CCDC178: variants seen among roughly 807,000 people sequenced by gnomAD.
CCDC178 encodes the protein coiled-coil domain containing 178.
CCDC178 carries 126 observed loss-of-function variants against 117.4 expected under a neutral mutation model. The observed-to-expected ratio is 1.07, with a 90% confidence interval of 0.93 to 1.24. CCDC178 has a LOEUF of 1.24. Among genes scored for constraint, CCDC178 ranks in the 50% most tolerant of loss-of-function variants. CCDC178 has a pLI of 0.00. For missense variants in CCDC178, 1,030 were observed against 986.9 expected (o/e 1.04, Z -0.59); for synonymous variants, 283 against 313.4 (o/e 0.90, Z 1.02).
In CCDC178 at chr18:33,418,578, C is replaced by A. The variant is rs1330609999; in HGVS notation, c.-22-6468G>T. ...GTTTGCAGACAATACATTTCTATAT[C>A]TAAAAAAAAAAACCGATAGTCTCTG... is the stretch of plus-strand genomic sequence containing the variant. On this transcript the variant is annotated intron_variant, in intron 2 of 22. Coordinates refer to ENST00000383096, the MANE Select transcript of CCDC178 (RefSeq NM_001105528.4). Among the ~76,000 whole-genome samples, 5 of 146,608 alleles carry A rather than the reference C, an allele frequency of 3.4e-5. No homozygotes were observed. The East Asian group carries it at 1.0e-3, about 30-fold the overall frequency.
chr18:33,154,109 T>C (rs2058366991), intron 20 of CCDC178, among the ~76,000 whole-genome samples: 1 of 152,162 alleles, frequency 6.6e-6, no homozygotes, highest in Non-Finnish European at 1.5e-5. Flanking sequence ...AGTAGCTTCT[T>C]GTAGATTGAA....
chr18:33,296,647 A>T (rs1297295429), intron 11 of CCDC178, among the ~76,000 whole-genome samples: 1 of 152,214 alleles, frequency 6.6e-6, no homozygotes, highest in Admixed American at 6.5e-5. Flanking sequence ...TTGAGATAAG[A>T]CACATAAAAA....
At chr18:33,266,843 CA>C in intron 14 of CCDC178, 72 bp downstream of exon 14, 2 of 1,321,882 alleles carry the variant, frequency 1.5e-6, no homozygotes, top group African/African-American at 3.0e-5. Context: ...TCCAGGGACA[CA>C]AACTGGAGAG....
intron 14 of CCDC178, among the ~76,000 whole-genome samples, chr18:33,250,101 A>G (rs1420689940): frequency 6.6e-6 from 1 of 151,752 alleles, no homozygotes; most frequent in East Asian, 1.9e-4. Context: ...CATTTTAGCC[A>G]CTGGAAAGTG....
chr18:32,963,754 A>G (rs1568184681), intron 22 of CCDC178, among the ~76,000 whole-genome samples: 1 of 151,998 alleles, frequency 6.6e-6, no homozygotes, highest in Non-Finnish European at 1.5e-5. Context: ...GTATTTACAC[A>G]ATATATTGTG....
At chr18:33,358,522 T>A (rs1425468219) in intron 6 of CCDC178, among the ~76,000 whole-genome samples, 2 of 151,980 alleles carry the variant, frequency 1.3e-5, no homozygotes, top group East Asian at 3.9e-4. Context: ...GGATATGGTA[T>A]GGCTGATTTA....
At chr18:33,222,295 CCTTT>C (rs942708745) in intron 18 of CCDC178, among the ~76,000 whole-genome samples, 5 of 149,544 alleles carry the variant, frequency 3.3e-5, no homozygotes, top group Non-Finnish European at 7.4e-5. Flanking sequence ...TTCCTTCCTT[CCTTT>C]CCTTCCTTCC....
intron 15 of CCDC178, among the ~76,000 whole-genome samples, chr18:33,243,811 T>C (rs538656410): frequency 7.9e-5 from 12 of 151,916 alleles, no homozygotes; most frequent in East Asian, 3.9e-4. Context: ...ATTAGAAAAA[T>C]TGAAATACAC....
At chr18:33,314,470 T>C (rs112053873) in intron 11 of CCDC178, among the ~76,000 whole-genome samples, 13 of 152,234 alleles carry the variant, frequency 8.5e-5, no homozygotes, top group South Asian at 8.3e-4. Context: ...TATCATCCCA[T>C]GTCCTTGTTA....
chr18:33,403,440 A>G (rs1001508675), intron 3 of CCDC178, among the ~76,000 whole-genome samples: 3 of 151,974 alleles, frequency 2.0e-5, no homozygotes, highest in East Asian at 1.9e-4. Flanking sequence ...ACAGGTTCTC[A>G]CGTTCTATTA....
In CCDC178 at chr18:33,397,135, T is replaced by C. The variant is rs376934920; in HGVS notation, c.118+14A>G. The C allele has an allele frequency of 9.8e-6, 15 of 1,524,612 alleles. No individual in the cohort carries two copies. The highest frequency in any genetic ancestry group is 1.3e-5 in the Non-Finnish European group (14 of 1,106,660). 94.4% of individuals were successfully genotyped at this position (1,524,612 alleles called of 1,614,324 possible). On this transcript the variant is annotated intron_variant, in intron 4 of 22. Transcript: ENST00000383096. ...AAAAAGAGATGAAAATTATATATAATAGCTGTTGGATACCTTCATTTGTCC... is the reference window on the plus strand; with the variant it reads ...AAAAAGAGATGAAAATTATATATAACAGCTGTTGGATACCTTCATTTGTCC...
intron 10 of CCDC178, among the ~76,000 whole-genome samples, chr18:33,324,154 T>A (rs530485146): frequency 6.6e-6 from 1 of 151,994 alleles, no homozygotes; most frequent in Non-Finnish European, 1.5e-5. Flanking sequence ...TTATCAAACA[T>A]CATACTAATG....
intron 21 of CCDC178, among the ~76,000 whole-genome samples, chr18:32,981,421 T>C (rs2055152090): frequency 6.6e-6 from 1 of 152,106 alleles, no homozygotes; most frequent in Non-Finnish European, 1.5e-5. Context: ...GCAAAACAAA[T>C]ATAGAAAATG....
chr18:32,975,839 G>A (rs1341860297), intron 21 of CCDC178, among the ~76,000 whole-genome samples: 1 of 151,964 alleles, frequency 6.6e-6, no homozygotes, highest in Non-Finnish European at 1.5e-5. Flanking sequence ...GCTATCTGAT[G>A]GGTTACATAT....
Position 32,974,708 on chromosome 18 carries a change from C to G in CCDC178, c.2389-27G>C, listed in dbSNP as rs145798402. The G allele has an allele frequency of 1.8e-5, 29 of 1,608,400 alleles. No homozygotes were observed. In the African/African-American group the frequency reaches 1.9e-4, roughly 10 times the overall value. On this transcript the variant is annotated intron_variant, in intron 21 of 22. Coordinates refer to ENST00000383096, the MANE Select transcript of CCDC178 (RefSeq NM_001105528.4). ...TAAAGGGAAGAGGGAGGGGAGAAAACACAAGTCAGAGGAGGAGAGGAAATT... is the reference window on the plus strand; with the variant it reads ...TAAAGGGAAGAGGGAGGGGAGAAAAGACAAGTCAGAGGAGGAGAGGAAATT...
Position 33,009,783 on chromosome 18 carries a change from A to T in CCDC178, c.2389-35102T>A, listed in dbSNP as rs544877101. 3.9e-5 allele frequency among the ~76,000 whole-genome samples: 6 copies of T among 152,296 alleles called. No individual in the cohort carries two copies. The East Asian group carries it at 5.8e-4, about 15-fold the overall frequency. On this transcript the variant is annotated intron_variant, in intron 21 of 22. Transcript: ENST00000383096. Reference sequence around the variant, plus strand: ...GTGCTTTCCATGAAGCAGATCTGCAACATCTTTGAATAAAGGATGGTGTCT... The same window carrying T: ...GTGCTTTCCATGAAGCAGATCTGCATCATCTTTGAATAAAGGATGGTGTCT...
intron 6 of CCDC178, among the ~76,000 whole-genome samples, chr18:33,361,258 T>C (rs2063123710): frequency 6.6e-6 from 1 of 151,742 alleles, no homozygotes; most frequent in South Asian, 2.1e-4. Flanking sequence ...GTCTCTTCAA[T>C]AAATGATGCA....
At chr18:33,255,076 G>A (rs2059663358) in intron 14 of CCDC178, among the ~76,000 whole-genome samples, 2 of 151,932 alleles carry the variant, frequency 1.3e-5, no homozygotes, top group African/African-American at 4.8e-5. Flanking sequence ...CCATGAGAGT[G>A]GGTTGTTATA....
chr18:33,015,302 C>A (rs1319213778), intron 21 of CCDC178, among the ~76,000 whole-genome samples: 1 of 151,420 alleles, frequency 6.6e-6, no homozygotes, highest in African/African-American at 2.4e-5. Flanking sequence ...GAAAGTCTCA[C>A]GCCTGTAATC....
Sources: gnomAD v4.1 joint callset for allele counts (sites outside exome capture counted in the v4.1 genomes callset) on GRCh38, gnomAD v4.1.1 for gene constraint, MANE v1.5 for transcripts, NCBI Gene and HGNC (gene_info 2026-07-23, HGNC 2026-07-21) for gene names.